Variants in PUS7L observed in about 807,000 individuals in gnomAD.
PUS7L encodes pseudouridylate synthase PUS7L.
In PUS7L, 49 loss-of-function variants were observed where a neutral mutation model predicts 51.1. The ratio of observed to expected loss-of-function variants is 0.96; its 90% CI spans 0.76 to 1.22. The LOEUF is 1.22. Ranked by LOEUF, PUS7L falls within the 50% of genes most tolerant of loss-of-function variation. PUS7L has a pLI of 0.00. For missense variants in PUS7L, 828 were observed against 820.6 expected (o/e 1.01, Z -0.11); for synonymous variants, 277 against 276.2 (o/e 1.00, Z -0.03).
At position 43,755,145 on chromosome 12, in the gene PUS7L, A is replaced by C; in HGVS notation, c.101T>G (p.Phe34Cys). 1 of 1,613,546 alleles carries C rather than the reference A, an allele frequency of 6.2e-7. No homozygotes were observed. Among genetic ancestry groups the C allele is most frequent in the Non-Finnish European group, 8.5e-7 (1 of 1,179,598 alleles). Residue 34 changes from phenylalanine (F) to cysteine (C), a missense_variant, in exon 2 of 9, where the codon TTT becomes TGT. Coordinates refer to ENST00000344862, the MANE Select transcript of PUS7L (RefSeq NM_031292.5). ...CTGTTCATCAATTTCAATAACAATA[A>C]AGTCACTTGGTGAGCTTTTTATAGT... ...HGTIKSSPSD[F>C]IVIEIDEQGQ...
In PUS7L at chr12:43,736,477, T is replaced by C. The variant is rs938732018; in HGVS notation, c.1629A>G (p.Val543=). ...CTCCATAGGTTTCAAGTCTGTAAGA[T>C]ACTGCCTCATTCCAAATTTTGCTGG... ...AYTSKIWNEA[V]SYRLETYGAR... Residue 543 remains valine (V), a synonymous_variant, in exon 7 of 9, where the codon GTA becomes GTG. Transcript: ENST00000344862. The C allele has an allele frequency of 1.2e-6, 2 of 1,614,222 alleles. No homozygotes were observed. Among genetic ancestry groups the C allele is most frequent in the Non-Finnish European group, 1.7e-6 (2 of 1,180,032 alleles).
rs781316101 is a variant in PUS7L, at chr12:43,722,666, A to G, written c.*7710T>C. ...TCATTTTATTATAATGGAATTATAA[A>G]GGTTATAGAAAAAATATCCATCTTC... On this transcript the variant is annotated 3_prime_UTR_variant, in exon 9 of 9. Coordinates refer to ENST00000344862, the MANE Select transcript of PUS7L (RefSeq NM_031292.5). The G allele has an allele frequency of 1.3e-5, 2 of 152,156 alleles. No homozygotes were observed. The highest frequency in any genetic ancestry group is 2.9e-5 in the Non-Finnish European group (2 of 67,982). The allele number at this position is 152,156 out of a possible 1,614,324, so 9.4% of individuals were successfully genotyped here.
At position 43,721,278 on chromosome 12, in the gene PUS7L, T is replaced by G. The variant is rs1944394288; in HGVS notation, c.*9098A>C. ...GAAGCTACTTAACTTCTTCAAGCCC[T>G]GGAATCCTCATTTGTTAAATGAGAC... On this transcript the variant is annotated 3_prime_UTR_variant, in exon 9 of 9. Coordinates refer to ENST00000344862, the MANE Select transcript of PUS7L (RefSeq NM_031292.5). 1 of 152,176 alleles carries G rather than the reference T, an allele frequency of 6.6e-6. No homozygotes were observed. Among genetic ancestry groups the G allele is most frequent in the African/African-American group, 2.4e-5 (1 of 41,448 alleles). 9.4% of individuals were successfully genotyped at this position (152,176 alleles called of 1,614,324 possible).
At chr12:43,757,145 G>C (rs539969529) in intron 1 of PUS7L, among the ~76,000 whole-genome samples, 15 of 152,232 alleles carry the variant, frequency 9.9e-5, no homozygotes, top group African/African-American at 3.6e-4. Flanking sequence ...AGTTTTTCCT[G>C]ACCAATAATC....
In PUS7L at chr12:43,729,979, A is replaced by T. The variant is rs1944511873; in HGVS notation, c.*397T>A. On this transcript the variant is annotated 3_prime_UTR_variant, in exon 9 of 9. Transcript: ENST00000344862. ...TGCTTCATCTATCTTTCTCTCCAAC[A>T]TTTGCTTCACTGCGACCTAATTTTA... 6.0e-6 allele frequency: 1 copy of T among 167,778 alleles called. No individual in the cohort carries two copies. Among genetic ancestry groups the T allele is most frequent in the African/African-American group, 2.4e-5 (1 of 41,750 alleles). 10.4% of individuals were successfully genotyped at this position (167,778 alleles called of 1,614,324 possible).
intron 7 of PUS7L, among the ~76,000 whole-genome samples, chr12:43,735,097 C>T (rs901981645): frequency 1.3e-4 from 20 of 151,836 alleles, no homozygotes. Flanking sequence ...GGGTGGATCA[C>T]GAGGTCAGGA....
chr12:43,722,218 G>A lies in PUS7L; in HGVS notation c.*8158C>T, dbSNP rs898191201. 6.6e-6 allele frequency: 1 copy of A among 152,124 alleles called. No individual in the cohort carries two copies. Among genetic ancestry groups the A allele is most frequent in the African/African-American group, 2.4e-5 (1 of 41,420 alleles). The allele number at this position is 152,124 out of a possible 1,614,324, so 9.4% of individuals were successfully genotyped here. A position where few individuals can be genotyped will look rare whatever the true frequency, so the allele number is the denominator to read the frequency against. On this transcript the variant is annotated 3_prime_UTR_variant, in exon 9 of 9. Transcript: ENST00000344862. ...TGAAGATTTGGGGCCATACTTGCAG[G>A]TGTAAATGTGTTATGTTGAGGGGTT...
At position 43,754,343 on chromosome 12, in the gene PUS7L, T is replaced by C. The variant is rs1419613384; in HGVS notation, c.903A>G (p.Ile301Met). 2 of 1,584,008 alleles carry C rather than the reference T, an allele frequency of 1.3e-6. No homozygotes were observed. The highest frequency in any genetic ancestry group is 2.2e-5 in the East Asian group (1 of 44,684). The stretch of plus-strand genomic sequence containing the variant: ...GATGATTTATTAAATTACCTGTATA[T>C]ATAACTTTTCCTTCTTGGCATTCAG... ...PLSECQEGKV[I>M]YTAFTLRKEN... The change falls in exon 2 of 9, where the codon ATA (isoleucine) becomes ATG (methionine). Residue 301 changes from isoleucine (I) to methionine (M), a missense_variant. Ile to Met is a conservative substitution (Grantham distance 10, BLOSUM62 1). Transcript: ENST00000344862.
At chr12:43,758,620 G>A (rs1330938323) in intron 1 of PUS7L, 110 bp downstream of exon 1, 6 of 976,424 alleles carry the variant, frequency 6.1e-6, no homozygotes, top group Non-Finnish European at 6.0e-6. Context: ...TTCTTTGGGC[G>A]CAAAGGGTAT....
intron 3 of PUS7L, 78 bp downstream of exon 3, chr12:43,748,372 T>C (rs138066936): frequency 9.8e-7 from 1 of 1,017,256 alleles, no homozygotes; most frequent in East Asian, 2.4e-5. Flanking sequence ...CAGTACAGGA[T>C]GTTTAGAAAC....
intron 7 of PUS7L, 66 bp downstream of exon 7, chr12:43,736,315 C>A (rs1944687049): frequency 2.9e-6 from 4 of 1,356,436 alleles, no homozygotes; most frequent in Middle Eastern, 1.8e-4. Flanking sequence ...ATAATCAGGG[C>A]TTTTGAAAAA....
rs114498382 is a variant in PUS7L at position 43,729,202 on chromosome 12, T to C, written c.*1174A>G. ...CTTTGAAAACTGTTTTTAGTGTCTG[T>C]ATATGAAAATATTGCAATAAGCAAA... On this transcript the variant is annotated 3_prime_UTR_variant, in exon 9 of 9. Coordinates refer to ENST00000344862, the MANE Select transcript of PUS7L (RefSeq NM_031292.5). 4.0e-3 allele frequency: 1,588 copies of C among 397,958 alleles called. 22 individuals carry two copies. Among genetic ancestry groups the C allele is most frequent in the African/African-American group, 0.028 (1,348 of 48,726 alleles). 24.7% of individuals were successfully genotyped at this position (397,958 alleles called of 1,614,324 possible).
chr12:43,757,748 CAAG>C (rs1480186023), intron 1 of PUS7L, among the ~76,000 whole-genome samples: 1 of 152,128 alleles, frequency 6.6e-6, no homozygotes, highest in East Asian at 1.9e-4. Flanking sequence ...AGGCATAATG[CAAG>C]AAGTGGCCAT....
At position 43,730,438 on chromosome 12, in the gene PUS7L, C is replaced by G; in HGVS notation, c.2044G>C (p.Asp682His). 6.2e-7 allele frequency: 1 copy of G among 1,613,688 alleles called. No individual in the cohort carries two copies. Among genetic ancestry groups the G allele is most frequent in the Non-Finnish European group, 8.5e-7 (1 of 1,179,796 alleles). Residue 682 changes from aspartate to histidine, a missense_variant, in exon 9 of 9, where the codon GAT becomes CAT. Transcript: ENST00000344862. ...GTAGCATAGCATGAAGCATCAAGATCAAAAGAGATCAAAAGAGACAAAGCT... is the reference window on the plus strand; with the variant it reads ...GTAGCATAGCATGAAGCATCAAGATGAAAAGAGATCAAAAGAGACAAAGCT... ...ETALSLLISFDLDASCYATVC... is the reference protein window; with the variant it reads ...ETALSLLISFHLDASCYATVC...
chr12:43,755,734 T>C (rs1382231493), intron 1 of PUS7L, among the ~76,000 whole-genome samples: 2 of 152,144 alleles, frequency 1.3e-5, no homozygotes, highest in African/African-American at 4.8e-5. Context: ...AAAAAGACAA[T>C]AGGAAAACTG....
At position 43,749,657 on chromosome 12, in the gene PUS7L, G is replaced by A. The variant is rs766013711; in HGVS notation, c.911-1048C>T. ...TGCACTCCAGCCTGGGTGAAAGAGC[G>A]AGACCCTGTCTCAAAGAAAAAAAGG... is the stretch of plus-strand genomic sequence containing the variant. On this transcript the variant is annotated intron_variant, in intron 2 of 8. Coordinates refer to ENST00000344862, the MANE Select transcript of PUS7L (RefSeq NM_031292.5). 2.6e-4 allele frequency among the ~76,000 whole-genome samples: 40 copies of A among 152,030 alleles called. 1 individual carries two copies. The highest frequency in any genetic ancestry group is 1.3e-4 in the Non-Finnish European group (9 of 68,014).
At position 43,736,428 on chromosome 12, in the gene PUS7L, C is replaced by A; in HGVS notation, c.1678G>T (p.Val560Phe). The change falls in exon 7 of 9, where the codon GTC (valine) becomes TTC (phenylalanine). Residue 560 changes from valine to phenylalanine, a missense_variant. Transcript: ENST00000344862. ...YGARVVQGDL[V>F]CLDEDIDDEN... is the part of the protein sequence containing the mutation. Reference sequence around the variant, plus strand: ...TCATCAATGTCTTCATCCAAACAGACCAAATCACCCTGCACTACTCTTGCT... The same window carrying A: ...TCATCAATGTCTTCATCCAAACAGAACAAATCACCCTGCACTACTCTTGCT... 2 of 1,614,168 alleles carry A rather than the reference C, an allele frequency of 1.2e-6. No homozygotes were observed. The highest frequency in any genetic ancestry group is 1.1e-5 in the South Asian group (1 of 91,084).
chr12:43,736,552 T>A lies in PUS7L; in HGVS notation c.1554A>T (p.Ala518=), dbSNP rs999592081. The change falls in exon 7 of 9, where the codon GCA becomes GCT. Residue 518 remains alanine, a synonymous_variant. Transcript: ENST00000344862. The stretch of plus-strand genomic sequence containing the variant: ...GCATGGAATGGGGTAAAGAGAACCA[T>A]GCCTGGATACAACCTTCCTCGGTCA... The part of the protein sequence containing the change: ...FGMTEEGCIQ[A]WFSLPHSMRI... 6.2e-7 allele frequency: 1 copy of A among 1,613,914 alleles called. No homozygotes were observed. The highest frequency in any genetic ancestry group is 1.3e-5 in the African/African-American group (1 of 74,774).
chr12:43,758,370 C>A, intron 1 of PUS7L: 1 of 985,500 alleles, frequency 1.0e-6, no homozygotes, highest in Non-Finnish European at 1.2e-6. Flanking sequence ...TGACAGTGGG[C>A]GGGGGAGTAG....
Sources: allele counts gnomAD v4.1 joint callset (sites outside exome capture counted in the v4.1 genomes callset), GRCh38; gene constraint gnomAD v4.1.1; transcripts MANE v1.5; gene names NCBI Gene and HGNC (gene_info 2026-07-23, HGNC 2026-07-21).